Variants in CAMK2A observed in about 807,000 individuals in gnomAD.
CAMK2A encodes the protein calcium/calmodulin dependent protein kinase II alpha.
CAMK2A carries 7 observed loss-of-function variants against 79.2 expected under a neutral mutation model. That is an observed-to-expected ratio of 0.09 (90% CI 0.05 to 0.17). The LOEUF (loss-of-function observed/expected upper bound fraction) is 0.17. Ranked by LOEUF, CAMK2A falls within the 10% of genes least tolerant of loss-of-function variation. The pLI is 1.00. For synonymous variants in CAMK2A, 242 were observed against 251.7 expected (o/e 0.96, Z 0.36); for missense variants, 214 against 646.4 (o/e 0.33, Z 7.25).
At chr5:150,249,194 C>T (rs1196907326) in intron 11 of CAMK2A, among the ~76,000 whole-genome samples, 2 of 152,256 alleles carry the variant, frequency 1.3e-5, no homozygotes, top group Non-Finnish European at 2.9e-5. Context: ...AGCGTGCTGA[C>T]GGCTCCTCTG....
In CAMK2A at chr5:150,228,199, A is replaced by G. The variant is rs1754688432; in HGVS notation, c.1230T>C (p.Phe410=). 1 of 1,612,778 alleles carries G rather than the reference A, an allele frequency of 6.2e-7. No individual in the cohort carries two copies. Among genetic ancestry groups the G allele is most frequent in the Admixed American group, 1.7e-5 (1 of 59,804 alleles). The change falls in exon 17 of 19, where the codon TTT becomes TTC. Residue 410 remains phenylalanine (F), a synonymous_variant. Coordinates refer to ENST00000671881, the MANE Select transcript of CAMK2A (RefSeq NM_015981.4). ...VEGLDFHRFY[F]ENLWSRNSKP... Reference sequence around the variant, plus strand: ...AGAGAAGGAATTGCTCACGGTTTTCAAAATAGAATCGATGGAAGTCCAGGC... The same window carrying G: ...AGAGAAGGAATTGCTCACGGTTTTCGAAATAGAATCGATGGAAGTCCAGGC...
intron 8 of CAMK2A, 30 bp downstream of exon 8, chr5:150,251,952 G>T: frequency 6.2e-7 from 1 of 1,602,374 alleles, no homozygotes; most frequent in Non-Finnish European, 8.5e-7. Context: ...GTGCAGCCAG[G>T]GGCACAAAAG....
At chr5:150,240,510 AG>A (rs1755289895) in intron 13 of CAMK2A, among the ~76,000 whole-genome samples, 1 of 152,202 alleles carries the variant, frequency 6.6e-6, no homozygotes, top group Admixed American at 6.5e-5. Flanking sequence ...AGCTTACACT[AG>A]CATTTTGGGG....
Position 150,253,445 on chromosome 5 carries a change from A to G in CAMK2A, c.513T>C (p.Phe171=). 1 of 1,613,264 alleles carries G rather than the reference A, an allele frequency of 6.2e-7. No individual in the cohort carries two copies. The highest frequency in any genetic ancestry group is 8.5e-7 in the Non-Finnish European group (1 of 1,179,232). The change falls in exon 7 of 19, where the codon TTT becomes TTC. Residue 171 remains phenylalanine, a splice_region_variant and synonymous_variant. Transcript: ENST00000671881. ...CTTCTGCCAGCCCACCCCACTTACC[A>G]AACCATGCCTGCTGCTCCCCCTCCA... ...IEVEGEQQAW[F]GFAGTPGYLS...
intron 16 of CAMK2A, among the ~76,000 whole-genome samples, chr5:150,228,887 A>C (rs750301714): frequency 2.6e-5 from 4 of 152,182 alleles, no homozygotes; most frequent in Non-Finnish European, 4.4e-5. Context: ...TAGATGAGGT[A>C]ATATCTGGGA....
In CAMK2A at chr5:150,252,283, T is replaced by C. The variant is rs114076820; in HGVS notation, c.515-218A>G. On this transcript the variant is annotated intron_variant, in intron 7 of 18. Coordinates refer to ENST00000671881, the MANE Select transcript of CAMK2A (RefSeq NM_015981.4). ...AAAGCCTCTAGATCAGATCGACAAC[T>C]ACCTAGCACACCTGTCACCACTTCC... 3.8e-3 allele frequency among the ~76,000 whole-genome samples: 571 copies of C among 152,240 alleles called. 2 individuals are homozygous for C. The highest frequency in any genetic ancestry group is 0.013 in the African/African-American group (539 of 41,530).
intron 2 of CAMK2A, among the ~76,000 whole-genome samples, chr5:150,267,774 T>A (rs1248153381): frequency 6.6e-6 from 1 of 151,028 alleles, no homozygotes; most frequent in Admixed American, 6.6e-5. Context: ...AAAGGAAGAG[T>A]CCCTTTATCA....
chr5:150,282,430 C>T (rs1369352875), intron 1 of CAMK2A, among the ~76,000 whole-genome samples: 6 of 152,248 alleles, frequency 3.9e-5, no homozygotes, highest in Non-Finnish European at 5.9e-5. Context: ...AGGGCCAGAG[C>T]CCAGCAAGGC....
rs369885280 is a variant in CAMK2A at position 150,256,673 on chromosome 5, G to A, written c.339-28C>T. 1.2e-6 allele frequency: 2 copies of A among 1,611,244 alleles called. No homozygotes were observed. Among genetic ancestry groups the A allele is most frequent in the African/African-American group, 1.3e-5 (1 of 74,858 alleles). On this transcript the variant is annotated intron_variant, in intron 5 of 18. Coordinates refer to ENST00000671881, the MANE Select transcript of CAMK2A (RefSeq NM_015981.4). This position sits in a 1 kb window ranked among gnomAD's most constrained non-coding sequence, Gnocchi z 4.6. ...AGGGAGAGAGAGAGGAAGGGGTCAT[G>A]GTGGTGTGAGCACAGGCCTCCCCTG... is the stretch of plus-strand genomic sequence containing the variant.
intron 1 of CAMK2A, among the ~76,000 whole-genome samples, chr5:150,287,088 C>T (rs73268764): frequency 0.17 from 25,188 of 152,134 alleles, 2,595 homozygotes; most frequent in African/African-American, 0.28. Context: ...CTCCCTGCAC[C>T]ACTGGATGCT....
chr5:150,251,489 A>T (rs1041361019), intron 9 of CAMK2A, among the ~76,000 whole-genome samples: 1 of 152,226 alleles, frequency 6.6e-6, no homozygotes, highest in Non-Finnish European at 1.5e-5. Flanking sequence ...TTATTTGTAT[A>T]TATGAGAGAG....
chr5:150,287,609 C>T (rs575203647), intron 1 of CAMK2A, among the ~76,000 whole-genome samples: 1 of 152,278 alleles, frequency 6.6e-6, no homozygotes, highest in Admixed American at 6.5e-5. Context: ...ACTTTGAGCA[C>T]TTGAGTCACA....
intron 1 of CAMK2A, among the ~76,000 whole-genome samples, chr5:150,282,676 A>T (rs897196070): frequency 6.6e-5 from 10 of 152,250 alleles, no homozygotes; most frequent in Non-Finnish European, 1.5e-4. Context: ...CACCATCTGT[A>T]AGACAATGGA....
intron 1 of CAMK2A, among the ~76,000 whole-genome samples, chr5:150,277,002 G>A (rs556326540): frequency 2.0e-5 from 3 of 152,272 alleles, no homozygotes; most frequent in African/African-American, 7.2e-5. Context: ...GGCCAAGGTG[G>A]GAGAATCTCT....
At chr5:150,270,234 C>T (rs1345113697) in intron 2 of CAMK2A, among the ~76,000 whole-genome samples, 2 of 152,214 alleles carry the variant, frequency 1.3e-5, no homozygotes, top group Non-Finnish European at 2.9e-5. Flanking sequence ...TTGGGCCCCA[C>T]CTACTGAATC....
chr5:150,276,793 G>T (rs1054192186), intron 1 of CAMK2A, among the ~76,000 whole-genome samples: 1 of 152,158 alleles, frequency 6.6e-6, no homozygotes. Flanking sequence ...TGGATGGAGG[G>T]ATAGAGGAAG....
intron 1 of CAMK2A, among the ~76,000 whole-genome samples, chr5:150,274,014 T>C (rs1216723936): frequency 3.9e-5 from 6 of 152,250 alleles, no homozygotes; most frequent in Non-Finnish European, 7.3e-5. Context: ...ATTGTCCATA[T>C]TAAAGATTGT....
chr5:150,228,291 G>A lies in CAMK2A; in HGVS notation c.1143-5C>T, dbSNP rs755573671. Reference sequence around the variant, plus strand: ...ATGCCAGGGTCGCACATCTTCCTGGGGGAAAGAAGCCAGAGGGAAGAGGGA... The same window carrying A: ...ATGCCAGGGTCGCACATCTTCCTGGAGGAAAGAAGCCAGAGGGAAGAGGGA... On this transcript the variant is annotated splice_polypyrimidine_tract_variant and splice_region_variant and intron_variant, in intron 16 of 18. Transcript: ENST00000671881. 7.4e-6 allele frequency: 12 copies of A among 1,611,698 alleles called. No homozygotes were observed. In the African/African-American group the frequency reaches 1.5e-4, roughly 20 times the overall value.
At chr5:150,273,216 G>T in intron 1 of CAMK2A, 57 bp from the exon 2 acceptor site, 1 of 1,304,182 alleles carries the variant, frequency 7.7e-7, no homozygotes, top group Non-Finnish European at 1.1e-6. Flanking sequence ...TGTGTCCCTA[G>T]GAGATGTTGG....
Sources: allele counts gnomAD v4.1 joint callset (sites outside exome capture counted in the v4.1 genomes callset), GRCh38; gene constraint gnomAD v4.1.1; non-coding constraint Gnocchi (gnomAD v3.1); transcripts MANE v1.5; gene names NCBI Gene and HGNC (gene_info 2026-07-23, HGNC 2026-07-21).